GALNTL6: variants seen among roughly 807,000 people sequenced by gnomAD.
GALNTL6 encodes polypeptide N-acetylgalactosaminyltransferase-like 6.
A neutral mutation model predicts 73.7 loss-of-function variants in GALNTL6; 46 were observed. The ratio of observed to expected loss-of-function variants is 0.62; its 90% confidence interval spans 0.49 to 0.80. GALNTL6 has a LOEUF of 0.80. Among genes scored for constraint, GALNTL6 ranks in the 30% least tolerant of loss-of-function variants. The pLI, the probability that GALNTL6 is intolerant of heterozygous loss-of-function variation, is 0.00. For missense variants in GALNTL6, 604 were observed against 755.0 expected (o/e 0.80, Z 2.34); for synonymous variants, 259 against 263.7 (o/e 0.98, Z 0.17).
chr4:171,955,887 T>A (rs938442567), intron 2 of GALNTL6, among the ~76,000 whole-genome samples: 1 of 152,200 alleles, frequency 6.6e-6, no homozygotes, highest in African/African-American at 2.4e-5. Flanking sequence ...AGCTTTTCCT[T>A]ATGCAATTAG....
chr4:172,057,691 G>A (rs1436537445), intron 2 of GALNTL6, among the ~76,000 whole-genome samples: 2 of 117,132 alleles, frequency 1.7e-5, no homozygotes, highest in African/African-American at 7.2e-5. Context: ...GGGTGACACA[G>A]ACCCTGTCTC....
At chr4:172,142,918 A>G (rs1484951975) in intron 2 of GALNTL6, among the ~76,000 whole-genome samples, 1 of 151,974 alleles carries the variant, frequency 6.6e-6, no homozygotes, top group Non-Finnish European at 1.5e-5. Flanking sequence ...CCTATTCTAC[A>G]TTTTTAGAGA....
intron 8 of GALNTL6, among the ~76,000 whole-genome samples, chr4:172,924,127 A>G (rs982290941): frequency 2.6e-5 from 4 of 152,164 alleles, no homozygotes; most frequent in African/African-American, 9.7e-5. Context: ...AAAAAATCCA[A>G]CATCATAAAA....
chr4:171,835,635 C>A (rs1363169115), intron 2 of GALNTL6, among the ~76,000 whole-genome samples: 2 of 151,788 alleles, frequency 1.3e-5, no homozygotes, highest in Non-Finnish European at 2.9e-5. Flanking sequence ...AAGCAATTGA[C>A]AGTCTCTAAT....
chr4:172,385,895 T>C (rs1464223411), intron 5 of GALNTL6, among the ~76,000 whole-genome samples: 1 of 151,598 alleles, frequency 6.6e-6, no homozygotes, highest in Non-Finnish European at 1.5e-5. Flanking sequence ...ATTTATTACA[T>C]TTATTGTTTA....
At chr4:172,240,221 T>TTTGC (rs1737373414) in intron 3 of GALNTL6, among the ~76,000 whole-genome samples, 1 of 151,568 alleles carries the variant, frequency 6.6e-6, no homozygotes, top group South Asian at 2.1e-4. Flanking sequence ...GAAGTTTTTG[T>TTTGC]TTGTTTGTTT....
intron 2 of GALNTL6, among the ~76,000 whole-genome samples, chr4:171,827,325 T>C (rs1027508078): frequency 1.3e-5 from 2 of 152,164 alleles, no homozygotes; most frequent in Non-Finnish European, 2.9e-5. Flanking sequence ...CTTAATTATT[T>C]ACAGGAAAAA....
chr4:172,011,445 C>T (rs555725599), intron 2 of GALNTL6, among the ~76,000 whole-genome samples: 1 of 152,192 alleles, frequency 6.6e-6, no homozygotes, highest in Non-Finnish European at 1.5e-5. Context: ...TGTTCTATTT[C>T]TTTCAAATGC....
chr4:172,749,301 G>T (rs1256641909), intron 5 of GALNTL6, among the ~76,000 whole-genome samples: 1 of 151,920 alleles, frequency 6.6e-6, no homozygotes, highest in Non-Finnish European at 1.5e-5. Context: ...AATCTTGATA[G>T]TCTTTACAAT....
intron 2 of GALNTL6, among the ~76,000 whole-genome samples, chr4:172,173,822 G>C (rs1387148439): frequency 2.6e-5 from 4 of 152,174 alleles, no homozygotes; most frequent in African/African-American, 9.7e-5. Context: ...AAGAAGCAAC[G>C]TGAAAAGCAA....
At chr4:172,149,022 C>T (rs1733996844) in intron 2 of GALNTL6, among the ~76,000 whole-genome samples, 2 of 152,128 alleles carry the variant, frequency 1.3e-5, no homozygotes, top group African/African-American at 4.8e-5. Context: ...GCTCATGTAT[C>T]AAGTTTACCC....
At chr4:172,342,873 G>A (rs938340435) in intron 4 of GALNTL6, among the ~76,000 whole-genome samples, 3 of 152,270 alleles carry the variant, frequency 2.0e-5, no homozygotes, top group South Asian at 2.1e-4. Context: ...GCTGTAAGCA[G>A]ACAGCAATGT....
intron 2 of GALNTL6, among the ~76,000 whole-genome samples, chr4:172,095,638 G>C (rs1732329977): frequency 6.6e-6 from 1 of 152,124 alleles, no homozygotes; most frequent in Non-Finnish European, 1.5e-5. Flanking sequence ...GCAAGTCCTT[G>C]TCCCAACATC....
At chr4:172,076,617 G>C (rs113746550) in intron 2 of GALNTL6, among the ~76,000 whole-genome samples, 255 of 152,170 alleles carry the variant, frequency 1.7e-3, no homozygotes, top group African/African-American at 6.0e-3. Flanking sequence ...CAAATAGCAT[G>C]CTTTTTATAA....
chr4:172,719,081 T>C (rs1735290622), intron 5 of GALNTL6, among the ~76,000 whole-genome samples: 1 of 152,226 alleles, frequency 6.6e-6, no homozygotes, highest in Non-Finnish European at 1.5e-5. Flanking sequence ...GTTACCCTTG[T>C]AGGTTAATTT....
At chr4:172,861,048 G>T (rs935285228) in intron 7 of GALNTL6, among the ~76,000 whole-genome samples, 1 of 152,126 alleles carries the variant, frequency 6.6e-6, no homozygotes, top group African/African-American at 2.4e-5. Context: ...ATCGTGCTTA[G>T]CTTACAGAAG....
At chr4:172,320,311 A>C (rs765260182) in intron 4 of GALNTL6, among the ~76,000 whole-genome samples, 3 of 152,118 alleles carry the variant, frequency 2.0e-5, no homozygotes, top group Non-Finnish European at 4.4e-5. Context: ...TAGCTTCTAG[A>C]GCAGGGTGTC....
chr4:172,345,493 A>C (rs1162284175), intron 4 of GALNTL6, among the ~76,000 whole-genome samples: 1 of 152,202 alleles, frequency 6.6e-6, no homozygotes, highest in Non-Finnish European at 1.5e-5. Flanking sequence ...CATGTGTGAT[A>C]ATCGTTTTTT....
intron 5 of GALNTL6, among the ~76,000 whole-genome samples, chr4:172,443,045 G>A (rs1032356288): frequency 3.5e-5 from 5 of 142,192 alleles, no homozygotes; most frequent in Non-Finnish European, 7.5e-5. Context: ...ATTGTAAAGC[G>A]ATATTATGTT....
Sources: allele counts gnomAD v4.1 joint callset (sites outside exome capture counted in the v4.1 genomes callset), GRCh38; gene constraint gnomAD v4.1.1; transcripts MANE v1.5; gene names NCBI Gene and HGNC (gene_info 2026-07-23, HGNC 2026-07-21).